Variants in SPTBN1 observed in about 807,000 individuals in gnomAD.
SPTBN1 encodes the protein spectrin beta chain, non-erythrocytic 1.
In SPTBN1, 32 loss-of-function variants were observed where a neutral mutation model predicts 266.4. That is an observed-to-expected ratio of 0.12 (90% CI 0.09 to 0.16). The LOEUF (loss-of-function observed/expected upper bound fraction) is 0.16. SPTBN1 is among the 10% of genes least tolerant of loss of function. SPTBN1 has a pLI of 1.00. For synonymous variants in SPTBN1, 1,336 were observed against 1,162.2 expected, an observed-to-expected ratio of 1.15 and a Z score of -3.04; for missense variants, 2,296 against 3,067.1, an observed-to-expected ratio of 0.75 and a Z score of 5.94.
intron 2 of SPTBN1, among the ~76,000 whole-genome samples, chr2:54,580,341 CTT>C (rs1048159768): frequency 9.2e-5 from 14 of 152,184 alleles, no homozygotes; most frequent in African/African-American, 3.4e-4. Flanking sequence ...GCATCTGAAA[CTT>C]TTAGCAAACC....
Position 54,661,626 on chromosome 2 carries a change from CAA to C in SPTBN1, c.6420+1633_6420+1634del, listed in dbSNP as rs573567275. 9.6e-3 allele frequency: 9,511 copies of C among 985,704 alleles called. 63 individuals are homozygous for C. Among genetic ancestry groups the C allele is most frequent in the Non-Finnish European group, 0.011 (9,117 of 829,888 alleles). The allele number at this position is 985,704 out of a possible 1,614,324, so 61.1% of individuals were successfully genotyped here. On this transcript the variant is annotated intron_variant, in intron 32 of 35. Coordinates refer to ENST00000356805, the MANE Select transcript of SPTBN1 (RefSeq NM_003128.3). The stretch of plus-strand genomic sequence containing the variant: ...AAAACACATCAAAATTCATTTTAGA[CAA>C]AAAAACTTCTGCTTTGTCTTTGGTC...
At chr2:54,495,106 G>A (rs1203270931) in intron 1 of SPTBN1, among the ~76,000 whole-genome samples, 2 of 152,108 alleles carry the variant, frequency 1.3e-5, no homozygotes, top group Admixed American at 1.3e-4. Context: ...CCCTGGAGGA[G>A]GTGAGCTTGA....
Position 54,629,276 on chromosome 2 carries a change from G to T in SPTBN1, c.2142G>T (p.Lys714Asn). The change falls in exon 14 of 36, where the codon AAG becomes AAT. Residue 714 changes from lysine (K) to asparagine (N), a missense_variant. Around this residue, in one of 12 missense-constraint regions of SPTBN1, gnomAD observed 434 missense variants for 573.9 expected, o/e 0.76. Transcript: ENST00000356805. ...CGGAGGAGCACTTCGGGTCGGAGAA[G>T]ATCCGTGAGAGGATCATTTACATCC... is the stretch of plus-strand genomic sequence containing the variant. ...MIAEEHFGSE[K>N]IRERIIYIRE... The T allele has an allele frequency of 3.1e-6, 5 of 1,614,092 alleles. No homozygotes were observed. The South Asian group carries it at 3.3e-5, about 11-fold the overall frequency.
At chr2:54,637,127 GT>G (rs1679203539) in intron 17 of SPTBN1, among the ~76,000 whole-genome samples, 2 of 152,198 alleles carry the variant, frequency 1.3e-5, no homozygotes, top group African/African-American at 4.8e-5. Flanking sequence ...TTTATTTAAG[GT>G]TTTGTGTTTT....
chr2:54,498,850 A>G (rs1669108064), intron 1 of SPTBN1, among the ~76,000 whole-genome samples: 2 of 152,200 alleles, frequency 1.3e-5, no homozygotes, highest in South Asian at 4.1e-4. Context: ...TGGTGCATAG[A>G]GACTTGATTC....
chr2:54,577,712 A>T (rs1337391287), intron 2 of SPTBN1, among the ~76,000 whole-genome samples: 1 of 152,212 alleles, frequency 6.6e-6, no homozygotes. Context: ...AAGGACACTT[A>T]ACTAGTAAAT....
rs1681025047 is a variant in SPTBN1, at chr2:54,661,266, G to A, written c.6420+1267G>A. 5 of 985,880 alleles carry A rather than the reference G, an allele frequency of 5.1e-6. No individual in the cohort carries two copies. In the South Asian group the frequency reaches 2.3e-4, roughly 46 times the overall value. The allele number at this position is 985,880 out of a possible 1,614,324, so 61.1% of individuals were successfully genotyped here. ...GAAATAAAAGCTGGTGACAGAGATG[G>A]TTTCCTTGTACCGATAAAAACAAAA... On this transcript the variant is annotated intron_variant, in intron 32 of 35. Transcript: ENST00000356805.
At position 54,664,623 on chromosome 2, in the gene SPTBN1, G is replaced by A. The variant is rs149619575; in HGVS notation, c.6591G>A (p.Ser2197=). 3,310 of 1,614,166 alleles carry A rather than the reference G, an allele frequency of 2.1e-3. 49 individuals are homozygous for A. The Admixed American group carries it at 0.029, about 14-fold the overall frequency. The change falls in exon 33 of 36, where the codon TCG becomes TCA. Residue 2197 remains serine, a synonymous_variant. Coordinates refer to ENST00000356805, the MANE Select transcript of SPTBN1 (RefSeq NM_003128.3). The surrounding 1 kb of genome is among the most constrained non-coding windows in gnomAD (Gnocchi z 5.6). Reference sequence around the variant, plus strand: ...CAGCCAGAACCCAGGAGACACCTTCGGCCCAGATGGAAGGCTTCCTCAATC... The same window carrying A: ...CAGCCAGAACCCAGGAGACACCTTCAGCCCAGATGGAAGGCTTCCTCAATC... The part of the protein sequence containing the change: ...TLPARTQETP[S]AQMEGFLNRK...
chr2:54,666,567 G>C (rs770608300), intron 34 of SPTBN1, among the ~76,000 whole-genome samples: 1 of 152,180 alleles, frequency 6.6e-6, no homozygotes, highest in Non-Finnish European at 1.5e-5. Flanking sequence ...GTCCTCCCCT[G>C]ACTCTCCCAG....
At chr2:54,547,477 G>C (rs999382714) in intron 2 of SPTBN1, among the ~76,000 whole-genome samples, 1 of 152,172 alleles carries the variant, frequency 6.6e-6, no homozygotes. Context: ...TATATATCCA[G>C]AAGGGGAATG....
intron 1 of SPTBN1, among the ~76,000 whole-genome samples, chr2:54,486,260 C>T (rs1025535287): frequency 1.3e-5 from 2 of 151,862 alleles, no homozygotes; most frequent in South Asian, 2.1e-4. Flanking sequence ...ATGACAATGG[C>T]GGTTTTGTGG....
chr2:54,558,959 C>G lies in SPTBN1; in HGVS notation c.148+32393C>G. On this transcript the variant is annotated intron_variant, in intron 2 of 35. Coordinates refer to ENST00000356805, the MANE Select transcript of SPTBN1 (RefSeq NM_003128.3). The surrounding 1 kb of genome is among the most constrained non-coding windows in gnomAD (Gnocchi z 4.6). ...GTTCTTGGAGGCTTTATTTGTGACC[C>G]TAATGAAGACGGGCGGCTTCACAGC... The G allele has an allele frequency of 6.5e-7, 1 of 1,529,960 alleles. No individual in the cohort carries two copies. The highest frequency in any genetic ancestry group is 1.4e-5 in the African/African-American group (1 of 72,188). The allele number at this position is 1,529,960 out of a possible 1,614,324, so 94.8% of individuals were successfully genotyped here.
Position 54,657,883 on chromosome 2 carries a change from G to T in SPTBN1, c.6080G>T (p.Ser2027Ile). The T allele has an allele frequency of 6.2e-7, 1 of 1,614,270 alleles. No individual in the cohort carries two copies. The highest frequency in any genetic ancestry group is 8.5e-7 in the Non-Finnish European group (1 of 1,180,052). ...GTCCATCAGTTCTCAAGAGACGCCA[G>T]TGTGGCCGAGGCCTGGCTGCTTGGA... ...LEVHQFSRDA[S>I]VAEAWLLGQE... Residue 2027 changes from serine to isoleucine, a missense_variant, in exon 30 of 36, where the codon AGT becomes ATT. This residue lies in a region of SPTBN1 where 644 missense variants were observed against 745.3 expected (regional missense o/e 0.86). Coordinates refer to ENST00000356805, the MANE Select transcript of SPTBN1 (RefSeq NM_003128.3).
chr2:54,557,585 A>G (rs1024662951), intron 2 of SPTBN1, among the ~76,000 whole-genome samples: 3 of 152,172 alleles, frequency 2.0e-5, no homozygotes, highest in Non-Finnish European at 4.4e-5. Flanking sequence ...AAATCAGAGT[A>G]GGAATTTGAG....
chr2:54,602,133 A>T (rs13021606), intron 3 of SPTBN1, among the ~76,000 whole-genome samples: 21,897 of 152,174 alleles, frequency 0.14, 1,694 homozygotes, highest in Middle Eastern at 0.2. Flanking sequence ...ATTAGAAATA[A>T]AACTATTCTT....
chr2:54,537,848 T>C (rs1325961673), intron 2 of SPTBN1, among the ~76,000 whole-genome samples: 1 of 152,248 alleles, frequency 6.6e-6, no homozygotes, highest in East Asian at 1.9e-4. Context: ...CAGTTGGAAA[T>C]ATTAGGGGTG....
At chr2:54,643,186 C>G in intron 19 of SPTBN1, 57 bp downstream of exon 19, 1 of 1,602,882 alleles carries the variant, frequency 6.2e-7, no homozygotes, top group Non-Finnish European at 8.5e-7. Context: ...TAGTAATAAA[C>G]TCCTTTTTAT....
intron 7 of SPTBN1, among the ~76,000 whole-genome samples, chr2:54,619,748 G>GCA (rs1273252434): frequency 2.6e-5 from 4 of 152,094 alleles, no homozygotes; most frequent in African/African-American, 9.7e-5. Flanking sequence ...TCTCCTTTGT[G>GCA]CACACTTTGA....
chr2:54,635,024 G>C (rs1286669142), intron 17 of SPTBN1, among the ~76,000 whole-genome samples: 2 of 152,192 alleles, frequency 1.3e-5, no homozygotes, highest in African/African-American at 4.8e-5. Flanking sequence ...CGGAAAACAG[G>C]CTCAGAAGTT....
Sources: allele counts gnomAD v4.1 joint callset (sites outside exome capture counted in the v4.1 genomes callset), GRCh38; gene constraint gnomAD v4.1.1; regional missense constraint gnomAD v4.1.1; non-coding constraint Gnocchi (gnomAD v3.1); transcripts MANE v1.5; gene names NCBI Gene and HGNC (gene_info 2026-07-23, HGNC 2026-07-21).